Variants in ADGRL2 observed in about 807,000 individuals in gnomAD.
ADGRL2 encodes adhesion G protein-coupled receptor L2.
In ADGRL2, 44 loss-of-function variants were observed where a neutral mutation model predicts 157.4. That is an observed-to-expected ratio of 0.28 (90% CI 0.22 to 0.36). ADGRL2 has a LOEUF of 0.36. ADGRL2 is among the 10% of genes least tolerant of loss of function. ADGRL2 has a pLI of 1.00. For missense variants in ADGRL2, 1,510 were observed against 1,768.9 expected (o/e 0.85, Z 2.63); for synonymous variants, 585 against 624.7 (o/e 0.94, Z 0.95).
At chr1:81,547,808 C>T (rs1243884628) in intron 2 of ADGRL2, among the ~76,000 whole-genome samples, 1 of 152,108 alleles carries the variant, frequency 6.6e-6, no homozygotes, top group Non-Finnish European at 1.5e-5. Flanking sequence ...AAGTTTGCAA[C>T]AAGGGAACTT....
chr1:81,889,944 T>C (rs377063115), intron 2 of ADGRL2, among the ~76,000 whole-genome samples: 2 of 152,360 alleles, frequency 1.3e-5, no homozygotes, highest in East Asian at 3.9e-4. Flanking sequence ...AAGGATTGTA[T>C]GTGTGGGTCA....
intron 2 of ADGRL2, among the ~76,000 whole-genome samples, chr1:81,846,227 A>G (rs2092782098): frequency 6.6e-6 from 1 of 151,780 alleles, no homozygotes; most frequent in Non-Finnish European, 1.5e-5. Flanking sequence ...GAATAGAAGT[A>G]AACACTGTTT....
intron 2 of ADGRL2, among the ~76,000 whole-genome samples, chr1:81,516,514 C>G (rs2079181560): frequency 6.6e-6 from 1 of 152,130 alleles, no homozygotes; most frequent in Non-Finnish European, 1.5e-5. Context: ...AGTAAGAGCC[C>G]CACATGTTTT....
chr1:81,635,638 C>T (rs541184084), intron 3 of ADGRL2, among the ~76,000 whole-genome samples: 2 of 152,180 alleles, frequency 1.3e-5, no homozygotes, highest in Admixed American at 6.5e-5. Context: ...TAAGAGCTCT[C>T]TCTTGAGCTC....
intron 2 of ADGRL2, among the ~76,000 whole-genome samples, chr1:81,859,433 G>A (rs2093320880): frequency 1.4e-5 from 2 of 146,786 alleles, no homozygotes; most frequent in African/African-American, 2.5e-5. Context: ...TTGAGACAGG[G>A]TCTTGCTCTG....
At chr1:81,719,162 T>C (rs1220279270) in intron 1 of ADGRL2, among the ~76,000 whole-genome samples, 1 of 152,348 alleles carries the variant, frequency 6.6e-6, no homozygotes, top group East Asian at 1.9e-4. Context: ...AAACCTTGCC[T>C]CATGGCAAGG....
chr1:81,794,115 TA>T (rs2087476596), intron 2 of ADGRL2, among the ~76,000 whole-genome samples: 1 of 152,196 alleles, frequency 6.6e-6, no homozygotes, highest in Non-Finnish European at 1.5e-5. Flanking sequence ...CCCAGTATTA[TA>T]ATGAATTATT....
intron 2 of ADGRL2, among the ~76,000 whole-genome samples, chr1:81,898,617 TA>T (rs1304544444): frequency 3.3e-5 from 5 of 152,172 alleles, no homozygotes; most frequent in African/African-American, 1.2e-4. Flanking sequence ...CCTTGTGGTA[TA>T]AAAAAGCCTT....
At chr1:81,722,388 A>T (rs2084362182) in intron 1 of ADGRL2, 1 of 797,072 alleles carries the variant, frequency 1.3e-6, no homozygotes, top group African/African-American at 1.7e-5. Flanking sequence ...GGTGAACTGC[A>T]GAAAGCCATT....
In ADGRL2 at chr1:81,364,357, A is replaced by G. The variant is rs942684741; in HGVS notation, c.-302+57848A>G. On this transcript the variant is annotated intron_variant, in intron 1 of 24. Coordinates refer to the ADGRL2 transcript ENST00000370721. ...TTCTGCAATTAAAATTTCAACCTATATAATCACTTCATAAGTAAAGACAGA... is the reference window on the plus strand; with the variant it reads ...TTCTGCAATTAAAATTTCAACCTATGTAATCACTTCATAAGTAAAGACAGA... Among the ~76,000 whole-genome samples, 5 of 152,214 alleles carry G rather than the reference A, an allele frequency of 3.3e-5. No individual in the cohort carries two copies. The South Asian group carries it at 6.2e-4, about 19-fold the overall frequency.
intron 3 of ADGRL2, among the ~76,000 whole-genome samples, chr1:81,918,035 C>T (rs2094898375): frequency 6.6e-6 from 1 of 152,134 alleles, no homozygotes. Context: ...TATACTTCCC[C>T]TCATTTATGG....
intron 2 of ADGRL2, among the ~76,000 whole-genome samples, chr1:81,471,302 T>A (rs2078167105): frequency 6.6e-6 from 1 of 152,220 alleles, no homozygotes; most frequent in Non-Finnish European, 1.5e-5. Flanking sequence ...ATTTATATTT[T>A]CTTGTCAATA....
chr1:81,348,513 C>A (rs542317782), intron 1 of ADGRL2, among the ~76,000 whole-genome samples: 5 of 151,924 alleles, frequency 3.3e-5, no homozygotes, highest in African/African-American at 9.7e-5. Flanking sequence ...TTTTATTAAA[C>A]GCTTCAGAGG....
intron 1 of ADGRL2, among the ~76,000 whole-genome samples, chr1:81,362,254 C>T (rs1242002850): frequency 6.6e-6 from 1 of 151,790 alleles, no homozygotes; most frequent in Non-Finnish European, 1.5e-5. Flanking sequence ...CCCATTATAT[C>T]CCTCTGCGTC....
intron 1 of ADGRL2, among the ~76,000 whole-genome samples, chr1:81,746,386 C>A (rs1052954347): frequency 6.6e-6 from 1 of 152,070 alleles, no homozygotes; most frequent in Non-Finnish European, 1.5e-5. Flanking sequence ...CCTCTCCAGG[C>A]TCAGGCAATC....
At chr1:81,760,183 T>C (rs540281323) in intron 1 of ADGRL2, among the ~76,000 whole-genome samples, 2 of 152,198 alleles carry the variant, frequency 1.3e-5, no homozygotes, top group African/African-American at 4.8e-5. Flanking sequence ...GCCCATTAAA[T>C]TGTTAGAGGT....
chr1:81,408,570 T>A (rs562230736), intron 1 of ADGRL2, among the ~76,000 whole-genome samples: 23 of 152,300 alleles, frequency 1.5e-4, no homozygotes, highest in African/African-American at 5.3e-4. Flanking sequence ...CCTAGACTTG[T>A]ACTTAGAAAA....
chr1:81,935,636 A>T (rs2095299668), intron 3 of ADGRL2, among the ~76,000 whole-genome samples: 1 of 151,966 alleles, frequency 6.6e-6, no homozygotes, highest in African/African-American at 2.4e-5. Flanking sequence ...AATATGTGGT[A>T]TTCCAACTGT....
At chr1:81,725,781 AT>A (rs1008972112) in intron 1 of ADGRL2, among the ~76,000 whole-genome samples, 7 of 152,296 alleles carry the variant, frequency 4.6e-5, no homozygotes, top group African/African-American at 1.4e-4. Context: ...AGATTTTTAA[AT>A]TCCACAATGT....
Sources: allele counts gnomAD v4.1 joint callset (sites outside exome capture counted in the v4.1 genomes callset), GRCh38; gene constraint gnomAD v4.1.1; transcripts MANE v1.5; gene names NCBI Gene and HGNC (gene_info 2026-07-23, HGNC 2026-07-21).